The following LUC7L variants were observed in gnomAD, a reference collection of about 807,000 sequenced individuals.
LUC7L encodes putative RNA-binding protein Luc7-like 1.
Under a neutral mutation model 51.1 loss-of-function variants are expected in LUC7L, and 29 were observed. That is an observed-to-expected ratio of 0.57 (90% CI 0.42 to 0.77). The LOEUF is 0.77. LUC7L is among the 30% of genes least tolerant of loss of function. The probability of loss-of-function intolerance (pLI) is 0.00; values close to 1 mark genes in which losing one functional copy is unlikely to be tolerated. For missense variants in LUC7L, 403 were observed against 511.9 expected, an observed-to-expected ratio of 0.79 and a Z score of 2.05; for synonymous variants, 181 against 180.7, an observed-to-expected ratio of 1.00 and a Z score of -0.01.
chr16:213,776 G>A (rs867150954), intron 3 of LUC7L, among the ~76,000 whole-genome samples: 4 of 151,574 alleles, frequency 2.6e-5, no homozygotes, highest in South Asian at 4.2e-4. Flanking sequence ...GTGCAGTGGC[G>A]CAATCTCGGC....
Position 205,919 on chromosome 16 carries a change from G to A in LUC7L, c.510+85C>T, listed in dbSNP as rs535250202. The stretch of plus-strand genomic sequence containing the variant: ...TGTATAAATTTTTTAAAAAATGGGA[G>A]CAAGCATGGGCTCAATTAATTCCAA... On this transcript the variant is annotated intron_variant, in intron 5 of 9. Transcript: ENST00000293872. 308 of 1,472,156 alleles carry A rather than the reference G, an allele frequency of 2.1e-4. 5 individuals are homozygous for A. In the South Asian group the frequency reaches 3.7e-3, roughly 18 times the overall value. The allele number at this position is 1,472,156 out of a possible 1,614,324, so 91.2% of individuals were successfully genotyped here.
chr16:214,523 T>G (rs1416181977), intron 3 of LUC7L, among the ~76,000 whole-genome samples: 1 of 152,194 alleles, frequency 6.6e-6, no homozygotes, highest in Non-Finnish European at 1.5e-5. Flanking sequence ...TAAGTATCAT[T>G]TATCCATTCA....
chr16:201,719 G>GT (rs890073449), intron 5 of LUC7L, among the ~76,000 whole-genome samples: 10 of 147,660 alleles, frequency 6.8e-5, no homozygotes, highest in Admixed American at 6.1e-4. Flanking sequence ...GATTACAGGC[G>GT]TGAGCCACCG....
At chr16:211,141 G>C (rs1302312967) in intron 3 of LUC7L, among the ~76,000 whole-genome samples, 1 of 150,994 alleles carries the variant, frequency 6.6e-6, no homozygotes, top group East Asian at 1.9e-4. Context: ...GACCAGCCTG[G>C]CCAGTATGGT....
Position 228,989 on chromosome 16 carries a change from G to A in LUC7L, c.61+290C>T, listed in dbSNP as rs373112200. The A allele has an allele frequency of 1.0e-4, 144 of 1,434,790 alleles. 2 individuals carry two copies. The East Asian group carries it at 3.2e-3, about 32-fold the overall frequency. 88.9% of individuals were successfully genotyped at this position (1,434,790 alleles called of 1,614,324 possible). ...ACTCCACAGTTCGCGGAGGGGCACG[G>A]AGCCGCGGCGCCCGCCGGGGAGGAA... On this transcript the variant is annotated intron_variant, in intron 1 of 9. Transcript: ENST00000293872.
intron 1 of LUC7L, chr16:228,026 G>A: frequency 8.9e-7 from 1 of 1,120,948 alleles, no homozygotes; most frequent in Non-Finnish European, 1.1e-6. Flanking sequence ...AGAATTTTAT[G>A]CCCGCTGTTG....
Position 189,186 on chromosome 16 carries a change from C to CG in LUC7L, c.*11dup. 6.2e-7 allele frequency: 1 copy of CG among 1,609,942 alleles called. No individual in the cohort carries two copies. Among genetic ancestry groups the CG allele is most frequent in the Non-Finnish European group, 8.5e-7 (1 of 1,177,470 alleles). ...CGTTTATCAGACTATTTACAGCACC[C>CG]GGGAGACGGGTTCAGATCTCGCCGG... On this transcript the variant is annotated 3_prime_UTR_variant, in exon 10 of 10. Coordinates refer to ENST00000293872, the MANE Select transcript of LUC7L (RefSeq NM_201412.3).
intron 6 of LUC7L, 52 bp from the exon 7 acceptor site, chr16:193,067 G>A (rs1198500466): frequency 7.2e-6 from 10 of 1,393,654 alleles, no homozygotes; most frequent in Admixed American, 1.7e-5. Flanking sequence ...AAACCAGAGT[G>A]TGAATGCTAC....
intron 4 of LUC7L, among the ~76,000 whole-genome samples, chr16:206,527 A>G (rs2049488245): frequency 6.6e-6 from 1 of 152,160 alleles, no homozygotes; most frequent in African/African-American, 2.4e-5. Flanking sequence ...ACAAAATAGC[A>G]CCGTTGGTCA....
intron 7 of LUC7L, among the ~76,000 whole-genome samples, chr16:192,725 A>T (rs1446737159): frequency 2.0e-5 from 3 of 151,724 alleles, no homozygotes; most frequent in Non-Finnish European, 4.4e-5. Flanking sequence ...CTGGTCTCGA[A>T]CCCCTGACCT....
intron 7 of LUC7L, among the ~76,000 whole-genome samples, chr16:191,896 C>T (rs1329103746): frequency 6.6e-6 from 1 of 152,134 alleles, no homozygotes; most frequent in Non-Finnish European, 1.5e-5. Context: ...GGAATTATTT[C>T]AGGAAAAGTG....
intron 3 of LUC7L, among the ~76,000 whole-genome samples, chr16:213,980 C>A (rs1381307439): frequency 6.6e-6 from 1 of 152,166 alleles, no homozygotes; most frequent in Admixed American, 6.6e-5. Flanking sequence ...TCCCAAAGTG[C>A]TGGGATTACA....
At chr16:216,366 G>C (rs1276873820) in intron 3 of LUC7L, among the ~76,000 whole-genome samples, 1 of 148,102 alleles carries the variant, frequency 6.8e-6, no homozygotes, top group Admixed American at 6.8e-5. Context: ...ATAAACACTG[G>C]TTATCAAATA....
At chr16:197,690 T>C (rs1449299477) in intron 6 of LUC7L, among the ~76,000 whole-genome samples, 2 of 152,188 alleles carry the variant, frequency 1.3e-5, no homozygotes, top group Non-Finnish European at 2.9e-5. Flanking sequence ...CCATCACCTA[T>C]GGGACCCTCC....
chr16:205,344 T>C (rs2049451957), intron 5 of LUC7L, among the ~76,000 whole-genome samples: 1 of 152,152 alleles, frequency 6.6e-6, no homozygotes, highest in Non-Finnish European at 1.5e-5. Context: ...AATGTTACCT[T>C]TTCATAATAG....
At chr16:229,177 G>C in intron 1 of LUC7L, 102 bp downstream of exon 1, 1 of 1,467,238 alleles carries the variant, frequency 6.8e-7, no homozygotes, top group Non-Finnish European at 8.9e-7. Flanking sequence ...GATGCCCCGC[G>C]CAGGCGCAGG....
At chr16:204,355 G>A (rs561934766) in intron 5 of LUC7L, among the ~76,000 whole-genome samples, 1 of 152,024 alleles carries the variant, frequency 6.6e-6, no homozygotes, top group East Asian at 1.9e-4. Flanking sequence ...CCAGCAGTTT[G>A]GGAGACCGAG....
intron 4 of LUC7L, among the ~76,000 whole-genome samples, chr16:207,005 CTGGCT>C (rs1257289496): frequency 6.6e-6 from 1 of 151,578 alleles, no homozygotes; most frequent in Non-Finnish European, 1.5e-5. Flanking sequence ...CGAGACCATC[CTGGCT>C]AACACAGTGA....
intron 7 of LUC7L, among the ~76,000 whole-genome samples, chr16:191,799 C>T (rs1486032364): frequency 6.6e-6 from 1 of 152,150 alleles, no homozygotes; most frequent in Non-Finnish European, 1.5e-5. Context: ...GAGCCGATAT[C>T]GCACCACTGC....
Sources: gnomAD v4.1 joint callset for allele counts (sites outside exome capture counted in the v4.1 genomes callset) on GRCh38, gnomAD v4.1.1 for gene constraint, MANE v1.5 for transcripts, NCBI Gene and HGNC (gene_info 2026-07-23, HGNC 2026-07-21) for gene names.